Variants in NIM1K observed in about 807,000 individuals in gnomAD.
NIM1K encodes NIM1 serine/threonine protein kinase.
NIM1K carries 35 observed loss-of-function variants against 37.1 expected under a neutral mutation model. That is an observed-to-expected ratio of 0.94 (90% CI 0.72 to 1.25). NIM1K has a LOEUF of 1.25. NIM1K is among the 50% of genes most tolerant of loss of function. The pLI is 0.00. For missense variants in NIM1K, 564 were observed against 548.0 expected, an observed-to-expected ratio of 1.03 and a Z score of -0.29; for synonymous variants, 234 against 206.6, an observed-to-expected ratio of 1.13 and a Z score of -1.14.
At chr5:43,210,790 T>C (rs575411919) in intron 1 of NIM1K, among the ~76,000 whole-genome samples, 1 of 152,314 alleles carries the variant, frequency 6.6e-6, no homozygotes, top group East Asian at 1.9e-4. Context: ...GTTTAACATG[T>C]ATGCACGGAG....
intron 1 of NIM1K, among the ~76,000 whole-genome samples, chr5:43,219,825 C>T (rs552208982): frequency 3.6e-5 from 4 of 111,344 alleles, no homozygotes; most frequent in East Asian, 2.6e-4. Context: ...TGGGTTCAAG[C>T]GATTCTCCTG....
At position 43,280,651 on chromosome 5, in the gene NIM1K, TAAAG is replaced by T; in HGVS notation, c.1239_1242del (p.Arg414ThrfsTer12). On this transcript the variant is annotated frameshift_variant, in exon 4 of 4. Transcript: ENST00000326035. LOFTEE classifies it high-confidence loss of function. ...TCCCAGTCATGATGCTACCAGACCC[TAAAG>T]AAAGAGACCTCAAAAAAGGGTCCCG... 1 of 1,613,888 alleles carries T rather than the reference TAAAG, an allele frequency of 6.2e-7. No homozygotes were observed. Among genetic ancestry groups the T allele is most frequent in the South Asian group, 1.1e-5 (1 of 91,076 alleles).
At position 43,280,663 on chromosome 5, in the gene NIM1K, C is replaced by T; in HGVS notation, c.1245C>T (p.Asp415=). ...VMMLPDPKER[D]LKKGSRVYRG... is the part of the protein sequence containing the mutation. ...TGCTACCAGACCCTAAAGAAAGAGA[C>T]CTCAAAAAAGGGTCCCGTGTCTACA... The change falls in exon 4 of 4, where the codon GAC becomes GAT. Residue 415 remains aspartate, a synonymous_variant. Coordinates refer to ENST00000326035, the MANE Select transcript of NIM1K (RefSeq NM_153361.4). The T allele has an allele frequency of 6.2e-7, 1 of 1,612,442 alleles. No homozygotes were observed. The highest frequency in any genetic ancestry group is 8.5e-7 in the Non-Finnish European group (1 of 1,179,602).
rs150977988 is a variant in NIM1K, at chr5:43,263,274, C to T, written c.293-13783C>T. Among the ~76,000 whole-genome samples, 745 of 152,262 alleles carry T rather than the reference C, an allele frequency of 4.9e-3. 32 individuals carry two copies. The East Asian group carries it at 0.086, about 18-fold the overall frequency. Reference sequence around the variant, plus strand: ...TTGGTTGGTAGGCTATTAATTATTGCCTCAATTTCAGAACCTGTTACTGGT... The same window carrying T: ...TTGGTTGGTAGGCTATTAATTATTGTCTCAATTTCAGAACCTGTTACTGGT... On this transcript the variant is annotated intron_variant, in intron 2 of 3. Transcript: ENST00000326035.
At chr5:43,233,023 C>G in intron 1 of NIM1K, 1 of 1,230,016 alleles carries the variant, frequency 8.1e-7, no homozygotes, top group South Asian at 1.2e-5. Flanking sequence ...ACTGAAGAAG[C>G]TGTTGAAGGA....
intron 2 of NIM1K, among the ~76,000 whole-genome samples, chr5:43,274,441 C>T (rs954579908): frequency 7.2e-5 from 11 of 152,106 alleles, no homozygotes; most frequent in South Asian, 4.1e-4. Flanking sequence ...TACAGGAAAT[C>T]GAAGGGTGGA....
At chr5:43,235,251 C>A (rs1410853970) in intron 1 of NIM1K, among the ~76,000 whole-genome samples, 3 of 152,196 alleles carry the variant, frequency 2.0e-5, no homozygotes, top group African/African-American at 7.2e-5. Context: ...TCCAATTCTT[C>A]ATTTTAAATT....
chr5:43,277,056 G>T lies in NIM1K; in HGVS notation c.293-1G>T, dbSNP rs368320164. On this transcript the variant is annotated splice_acceptor_variant, in intron 2 of 3. Coordinates refer to ENST00000326035, the MANE Select transcript of NIM1K (RefSeq NM_153361.4). LOFTEE classifies it high-confidence loss of function. ...ACAATTTTTACTTTTTTTCCTTGCAGAAAAGGTGGCCATTAAGATCCTGGA... is the reference window on the plus strand; with the variant it reads ...ACAATTTTTACTTTTTTTCCTTGCATAAAAGGTGGCCATTAAGATCCTGGA... 2.5e-6 allele frequency: 4 copies of T among 1,611,142 alleles called. No individual in the cohort carries two copies. Among genetic ancestry groups the T allele is most frequent in the Non-Finnish European group, 3.4e-6 (4 of 1,179,234 alleles).
chr5:43,261,554 T>C (rs1753030953), intron 2 of NIM1K, among the ~76,000 whole-genome samples: 2 of 152,182 alleles, frequency 1.3e-5, no homozygotes, highest in Non-Finnish European at 2.9e-5. Context: ...TCCCATTCTG[T>C]AGGTTGCCTG....
At chr5:43,249,021 G>A (rs754131091) in intron 2 of NIM1K, among the ~76,000 whole-genome samples, 1 of 150,956 alleles carries the variant, frequency 6.6e-6, no homozygotes, top group Non-Finnish European at 1.5e-5. Flanking sequence ...ACAGACATGT[G>A]CCACCTTGCC....
At chr5:43,233,985 T>C (rs1467011402) in intron 1 of NIM1K, among the ~76,000 whole-genome samples, 4 of 152,176 alleles carry the variant, frequency 2.6e-5, no homozygotes, top group African/African-American at 9.7e-5. Flanking sequence ...ATAAATGAGA[T>C]GAAAATTTTC....
intron 1 of NIM1K, among the ~76,000 whole-genome samples, chr5:43,198,196 T>TC (rs1561069909): frequency 9.1e-5 from 4 of 44,008 alleles, no homozygotes; most frequent in East Asian, 1.6e-3. Flanking sequence ...TCTTTCTTTC[T>TC]TTCTTTCTTT....
intron 1 of NIM1K, among the ~76,000 whole-genome samples, chr5:43,215,152 A>G (rs1259795067): frequency 6.6e-6 from 1 of 152,192 alleles, no homozygotes; most frequent in Non-Finnish European, 1.5e-5. Flanking sequence ...AAATGTTTTC[A>G]GCCAAAAATA....
chr5:43,271,459 TA>T (rs930686665), intron 2 of NIM1K, among the ~76,000 whole-genome samples: 52 of 152,308 alleles, frequency 3.4e-4, no homozygotes, highest in African/African-American at 1.2e-3. Context: ...TGAAAATGTG[TA>T]AATCAGTAGT....
intron 2 of NIM1K, among the ~76,000 whole-genome samples, chr5:43,252,605 A>C (rs1280764411): frequency 6.6e-6 from 1 of 151,712 alleles, no homozygotes; most frequent in Non-Finnish European, 1.5e-5. Flanking sequence ...AATACAAAGC[A>C]CCAAGTGCTC....
chr5:43,213,165 T>TTCC (rs1752229246), intron 1 of NIM1K, among the ~76,000 whole-genome samples: 1 of 39,082 alleles, frequency 2.6e-5, no homozygotes, highest in Non-Finnish European at 5.4e-5. Flanking sequence ...TTCTTTCTTT[T>TTCC]TTTCTTTCTT....
intron 1 of NIM1K, among the ~76,000 whole-genome samples, chr5:43,198,090 G>A (rs1287171976): frequency 1.3e-5 from 2 of 151,612 alleles, no homozygotes; most frequent in Non-Finnish European, 1.5e-5. Context: ...TCTTTTTTCC[G>A]ATGGAGGAGT....
chr5:43,207,587 C>T (rs747949260), intron 1 of NIM1K: 1 of 675,638 alleles, frequency 1.5e-6, no homozygotes, highest in Admixed American at 1.8e-5. Context: ...GAATCTTGAC[C>T]TCTCAATGAA....
intron 1 of NIM1K, chr5:43,231,903 C>T (rs1387281549): frequency 2.9e-6 from 3 of 1,042,758 alleles, no homozygotes; most frequent in Admixed American, 1.8e-5. Context: ...CATGTCCTCA[C>T]TGGCCTCAGA....
Sources: gnomAD v4.1 joint callset for allele counts (sites outside exome capture counted in the v4.1 genomes callset) on GRCh38, gnomAD v4.1.1 for gene constraint, MANE v1.5 for transcripts, NCBI Gene and HGNC (gene_info 2026-07-23, HGNC 2026-07-21) for gene names.